The following ELFN2 variants were observed in gnomAD, a reference collection of about 807,000 sequenced individuals.
ELFN2 encodes the protein extracellular leucine rich repeat and fibronectin type III domain containing 2.
ELFN2 carries 17 observed loss-of-function variants against 45.5 expected under a neutral mutation model. The observed-to-expected ratio is 0.37, with a 90% CI of 0.26 to 0.56. ELFN2 has a LOEUF of 0.56. ELFN2 is among the 20% of genes least tolerant of loss of function. ELFN2 has a pLI of 0.77. For missense variants in ELFN2, 922 were observed against 1,183.2 expected (o/e 0.78, Z 3.24); for synonymous variants, 550 against 551.5 (o/e 1.00, Z 0.04).
intron 2 of ELFN2, among the ~76,000 whole-genome samples, chr22:37,412,982 A>G (rs1601769624): frequency 6.6e-6 from 1 of 152,270 alleles, no homozygotes; most frequent in African/African-American, 2.4e-5. Flanking sequence ...ACCTCTGAGC[A>G]TAGGTCCAAA....
At chr22:37,348,439 T>A (rs1930746121) in intron 1 of ELFN2, among the ~76,000 whole-genome samples, 1 of 138,888 alleles carries the variant, frequency 7.2e-6, no homozygotes, top group African/African-American at 2.5e-5. Flanking sequence ...TCCTGAGACA[T>A]GAAAGGAGGA....
At chr22:37,356,888 T>C (rs917206980) in intron 1 of ELFN2, among the ~76,000 whole-genome samples, 3 of 152,228 alleles carry the variant, frequency 2.0e-5, no homozygotes, top group Non-Finnish European at 4.4e-5. Context: ...TGAAAAGTGA[T>C]CAGGAGTTTG....
chr22:37,362,087 C>A (rs1217542358), intron 1 of ELFN2, among the ~76,000 whole-genome samples: 2 of 152,222 alleles, frequency 1.3e-5, no homozygotes, highest in African/African-American at 4.8e-5. Flanking sequence ...CCGGGGCCAA[C>A]TGGACAGTCA....
At chr22:37,418,327 A>G (rs751516001) in intron 1 of ELFN2, among the ~76,000 whole-genome samples, 27 of 152,032 alleles carry the variant, frequency 1.8e-4, no homozygotes, top group African/African-American at 6.3e-4. Context: ...GAGGCTTCCA[A>G]TCGTAACCCA....
At chr22:37,354,990 C>T (rs1016908245) in intron 1 of ELFN2, among the ~76,000 whole-genome samples, 1 of 152,180 alleles carries the variant, frequency 6.6e-6, no homozygotes, top group South Asian at 2.1e-4. Context: ...TTTCCTTAAC[C>T]TGGCAACCTA....
chr22:37,353,548 C>T (rs1428424256), intron 1 of ELFN2: 1 of 151,012 alleles, frequency 6.6e-6, no homozygotes, highest in African/African-American at 2.4e-5. Context: ...CAACAGGACT[C>T]TTAATTACAA....
chr22:37,413,318 G>T (rs1324675854), intron 2 of ELFN2, among the ~76,000 whole-genome samples: 7 of 151,876 alleles, frequency 4.6e-5, no homozygotes, highest in Non-Finnish European at 1.0e-4. Flanking sequence ...TCTACAGCTG[G>T]CAGTGAAGTC....
chr22:37,373,171 G>C lies in ELFN2; in HGVS notation c.2364C>G (p.Ala788=). 1 of 1,613,810 alleles carries C rather than the reference G, an allele frequency of 6.2e-7. No homozygotes were observed. Among genetic ancestry groups the C allele is most frequent in the Non-Finnish European group, 8.5e-7 (1 of 1,179,990 alleles). The part of the protein sequence containing the change: ...KHHREEVYMA[A]GHALRKKVQF... ...GGACCTTCTTGCGCAGGGCGTGACC[G>C]GCGGCCATGTACACCTCCTCCCGGT... The change falls in exon 3 of 3, where the codon GCC becomes GCG. Residue 788 remains alanine (A), a synonymous_variant. Coordinates refer to ENST00000402918, the MANE Select transcript of ELFN2 (RefSeq NM_052906.5).
chr22:37,399,370 C>T (rs528521205), intron 2 of ELFN2, among the ~76,000 whole-genome samples: 1 of 152,294 alleles, frequency 6.6e-6, no homozygotes, highest in Admixed American at 6.5e-5. Context: ...CATGCCCAGG[C>T]CCATACTGGC....
At position 37,369,091 on chromosome 22, in the gene ELFN2, G is replaced by A. The variant is rs1312044217; in HGVS notation, c.*3981C>T. 1 of 152,102 alleles carries A rather than the reference G, an allele frequency of 6.6e-6. No individual in the cohort carries two copies. Among genetic ancestry groups the A allele is most frequent in the African/African-American group, 2.4e-5 (1 of 41,360 alleles). 9.4% of individuals were successfully genotyped at this position (152,102 alleles called of 1,614,324 possible). A position where few individuals can be genotyped will look rare whatever the true frequency, so the allele number is the denominator to read the frequency against. ...CCCTTATAAGCTAGGACCTGTCACT[G>A]GTGTCCTTAATTCCTGATGCCATCC... On this transcript the variant is annotated 3_prime_UTR_variant, in exon 3 of 3. Coordinates refer to ENST00000402918, the MANE Select transcript of ELFN2 (RefSeq NM_052906.5).
intron 2 of ELFN2, among the ~76,000 whole-genome samples, chr22:37,381,547 A>C: frequency 9.0e-5 from 13 of 143,872 alleles, no homozygotes; most frequent in African/African-American, 2.1e-4. Flanking sequence ...CCTGACCCCC[A>C]CCTTCTCTAG....
Position 37,370,424 on chromosome 22 carries a change from C to T in ELFN2, c.*2648G>A, listed in dbSNP as rs1451395317. ...ACACTCAGCAGTGTGACTGATCCTCCACCCCAGCTGGCCAGCCAATTCACC... is the reference window on the plus strand; with the variant it reads ...ACACTCAGCAGTGTGACTGATCCTCTACCCCAGCTGGCCAGCCAATTCACC... On this transcript the variant is annotated 3_prime_UTR_variant, in exon 3 of 3. Coordinates refer to ENST00000402918, the MANE Select transcript of ELFN2 (RefSeq NM_052906.5). 6.6e-6 allele frequency: 1 copy of T among 152,288 alleles called. No individual in the cohort carries two copies. Among genetic ancestry groups the T allele is most frequent in the East Asian group, 1.9e-4 (1 of 5,194 alleles). The allele number at this position is 152,288 out of a possible 1,614,324, so 9.4% of individuals were successfully genotyped here.
At chr22:37,356,641 A>C (rs1057074817) in intron 1 of ELFN2, among the ~76,000 whole-genome samples, 2 of 152,150 alleles carry the variant, frequency 1.3e-5, no homozygotes, top group Non-Finnish European at 2.9e-5. Flanking sequence ...CACGGCAGAC[A>C]CTTATGTGTG....
At chr22:37,390,745 G>A (rs913316822) in intron 2 of ELFN2, among the ~76,000 whole-genome samples, 5 of 152,042 alleles carry the variant, frequency 3.3e-5, no homozygotes, top group Admixed American at 2.6e-4. Flanking sequence ...GCCCCCTCCC[G>A]CCACCCCTCT....
chr22:37,420,125 G>A (rs1009906696), intron 1 of ELFN2, among the ~76,000 whole-genome samples: 2 of 152,138 alleles, frequency 1.3e-5, no homozygotes, highest in Non-Finnish European at 2.9e-5. Flanking sequence ...CGCGGACGGC[G>A]GAGGACGGTG....
chr22:37,356,483 G>C (rs377676773), intron 1 of ELFN2, among the ~76,000 whole-genome samples: 4 of 152,170 alleles, frequency 2.6e-5, no homozygotes, highest in South Asian at 2.1e-4. Context: ...GGGCACCTTG[G>C]GGGGAGTCTT....
At chr22:37,388,123 G>C (rs1400933674) in intron 2 of ELFN2, among the ~76,000 whole-genome samples, 1 of 151,910 alleles carries the variant, frequency 6.6e-6, no homozygotes, top group African/African-American at 2.4e-5. Context: ...CCACCCAGCA[G>C]AAGATGAACT....
At chr22:37,415,137 C>A (rs1046564892) in intron 2 of ELFN2, among the ~76,000 whole-genome samples, 3 of 152,210 alleles carry the variant, frequency 2.0e-5, no homozygotes. Flanking sequence ...GACAGTTACC[C>A]GTCACTTCCC....
At chr22:37,412,853 A>G (rs1932681951) in intron 2 of ELFN2, among the ~76,000 whole-genome samples, 1 of 152,160 alleles carries the variant, frequency 6.6e-6, no homozygotes, top group South Asian at 2.1e-4. Flanking sequence ...TCATCCTGGC[A>G]GGGCTGGGAC....
Sources: allele counts gnomAD v4.1 joint callset (sites outside exome capture counted in the v4.1 genomes callset), GRCh38; gene constraint gnomAD v4.1.1; transcripts MANE v1.5; gene names NCBI Gene and HGNC (gene_info 2026-07-23, HGNC 2026-07-21).